The following ST18 variants were observed in gnomAD, a reference collection of about 807,000 sequenced individuals.
The protein encoded by ST18 is suppression of tumorigenicity 18 protein.
Under a neutral mutation model 110.0 loss-of-function variants are expected in ST18, and 50 were observed. The ratio of observed to expected loss-of-function variants is 0.45; its 90% CI spans 0.36 to 0.58. The LOEUF is 0.58. Ranked by LOEUF, ST18 falls within the 20% of genes least tolerant of loss-of-function variation. The pLI, the probability that ST18 is intolerant of heterozygous loss-of-function variation, is 0.00. For synonymous variants in ST18, 461 were observed against 452.4 expected, an observed-to-expected ratio of 1.02 and a Z score of -0.24; for missense variants, 1,306 against 1,280.1, an observed-to-expected ratio of 1.02 and a Z score of -0.31.
chr8:52,253,962 T>G, intron 2 of ST18, among the ~76,000 whole-genome samples: 1 of 135,438 alleles, frequency 7.4e-6, no homozygotes, highest in Non-Finnish European at 1.6e-5. Context: ...CCAAAGAGAG[T>G]GAAAGTGTGA....
intron 2 of ST18, among the ~76,000 whole-genome samples, chr8:52,302,725 A>C (rs1392237118): frequency 6.6e-6 from 1 of 152,238 alleles, no homozygotes; most frequent in Non-Finnish European, 1.5e-5. Flanking sequence ...ATCTGGGGCA[A>C]TTTGAGCATC....
At chr8:52,131,596 A>C (rs991743190) in intron 22 of ST18, among the ~76,000 whole-genome samples, 1 of 152,216 alleles carries the variant, frequency 6.6e-6, no homozygotes, top group African/African-American at 2.4e-5. Flanking sequence ...AAATATGTAA[A>C]GTAAAAGTTT....
chr8:52,312,222 A>G (rs1438721306), intron 2 of ST18, among the ~76,000 whole-genome samples: 1 of 152,148 alleles, frequency 6.6e-6, no homozygotes, highest in Admixed American at 6.5e-5. Flanking sequence ...AGGGTTCTCA[A>G]ATGATTGATC....
intron 9 of ST18, among the ~76,000 whole-genome samples, chr8:52,177,560 G>A (rs1275087318): frequency 6.6e-6 from 1 of 152,116 alleles, no homozygotes; most frequent in Non-Finnish European, 1.5e-5. Flanking sequence ...TTGTTCAGAG[G>A]GCTGAAGGCA....
Position 52,239,039 on chromosome 8 carries a change from G to A in ST18, c.-464-8962C>T, listed in dbSNP as rs185868294. ...AAGGAATGAAGTACTTATGTATGCCGAAACATGGATGAGCCTTGAAAATAT... is the reference window on the plus strand; with the variant it reads ...AAGGAATGAAGTACTTATGTATGCCAAAACATGGATGAGCCTTGAAAATAT... On this transcript the variant is annotated intron_variant, in intron 2 of 25. Transcript: ENST00000689386. Among the ~76,000 whole-genome samples, 12 of 152,142 alleles carry A rather than the reference G, an allele frequency of 7.9e-5. No homozygotes were observed. The East Asian group carries it at 9.7e-4, about 12-fold the overall frequency.
In ST18 at chr8:52,307,824, T is replaced by C. The variant is rs905278780; in HGVS notation, c.-464-77747A>G. 4.6e-5 allele frequency among the ~76,000 whole-genome samples: 7 copies of C among 152,228 alleles called. No individual in the cohort carries two copies. In the East Asian group the frequency reaches 1.2e-3, roughly 25 times the overall value. On this transcript the variant is annotated intron_variant, in intron 2 of 25. Coordinates refer to ENST00000689386, the MANE Select transcript of ST18 (RefSeq NM_001352837.2). ...CTCTTTTCATGACTCACTTAATGGCTGCATAATATATCTTGCACGTATAAC... is the reference window on the plus strand; with the variant it reads ...CTCTTTTCATGACTCACTTAATGGCCGCATAATATATCTTGCACGTATAAC...
rs1297150514 is a variant in ST18 at position 52,126,068 on chromosome 8, C to T, written c.2739G>A (p.Lys913=). The part of the protein sequence containing the change: ...GKVSEELMTI[K]LKATGGIESD... ...TGCTCTTACCCCCAGTTGCTTTGAGCTTGATGGTCATGAGTTCTTCAGAAA... is the reference window on the plus strand; with the variant it reads ...TGCTCTTACCCCCAGTTGCTTTGAGTTTGATGGTCATGAGTTCTTCAGAAA... Residue 913 remains lysine (K), a synonymous_variant, in exon 23 of 26, where the codon AAG becomes AAA. Coordinates refer to ENST00000689386, the MANE Select transcript of ST18 (RefSeq NM_001352837.2). 1.2e-6 allele frequency: 2 copies of T among 1,614,056 alleles called. No individual in the cohort carries two copies. The highest frequency in any genetic ancestry group is 2.2e-5 in the East Asian group (1 of 44,874).
Position 52,305,361 on chromosome 8 carries a change from A to C in ST18, c.-464-75284T>G, listed in dbSNP as rs550708779. Among the ~76,000 whole-genome samples the C allele has an allele frequency of 1.1e-4, 16 of 152,144 alleles. No individual in the cohort carries two copies. In the East Asian group the frequency reaches 3.1e-3, roughly 29 times the overall value. On this transcript the variant is annotated intron_variant, in intron 2 of 25. Coordinates refer to ENST00000689386, the MANE Select transcript of ST18 (RefSeq NM_001352837.2). ...GGTCTCACTTGTGTCTGTGCAGTGCATGAGTACTAAGCTGTCAGCCTCCTT... is the reference window on the plus strand; with the variant it reads ...GGTCTCACTTGTGTCTGTGCAGTGCCTGAGTACTAAGCTGTCAGCCTCCTT...
intron 17 of ST18, among the ~76,000 whole-genome samples, chr8:52,141,064 C>T (rs1446803701): frequency 3.3e-5 from 5 of 152,194 alleles, no homozygotes; most frequent in Non-Finnish European, 7.3e-5. Context: ...TAAGTTCCAG[C>T]ATGTTTGGAA....
chr8:52,270,545 T>A (rs1413775407), intron 2 of ST18, among the ~76,000 whole-genome samples: 1 of 152,234 alleles, frequency 6.6e-6, no homozygotes, highest in East Asian at 1.9e-4. Context: ...TCATCTTGCA[T>A]AATTGAAACT....
intron 16 of ST18, among the ~76,000 whole-genome samples, chr8:52,144,902 G>A (rs980447284): frequency 2.6e-5 from 4 of 151,896 alleles, no homozygotes; most frequent in African/African-American, 7.3e-5. Flanking sequence ...TGATAATTCC[G>A]CCATCTACTT....
At position 52,164,105 on chromosome 8, in the gene ST18, A is replaced by C. The variant is rs2062190134; in HGVS notation, c.1296-15T>G. On this transcript the variant is annotated splice_polypyrimidine_tract_variant and intron_variant, in intron 12 of 25. Coordinates refer to ENST00000689386, the MANE Select transcript of ST18 (RefSeq NM_001352837.2). ...AACCAGAAAGACTGTTTAAAAAAAG[A>C]AACACAGGAGGATTTTAGTTAAAAT... 1 of 1,604,002 alleles carries C rather than the reference A, an allele frequency of 6.2e-7. No individual in the cohort carries two copies.
chr8:52,195,809 C>CT (rs933502196), intron 8 of ST18, among the ~76,000 whole-genome samples: 128 of 151,736 alleles, frequency 8.4e-4, no homozygotes, highest in African/African-American at 2.8e-3. Flanking sequence ...TCTAAATTCT[C>CT]TTTTTTTTGC....
At chr8:52,148,721 G>A (rs1221630086) in intron 16 of ST18, among the ~76,000 whole-genome samples, 1 of 149,990 alleles carries the variant, frequency 6.7e-6, no homozygotes, top group Non-Finnish European at 1.5e-5. Context: ...GGAGGGGAGG[G>A]GAGCGATGGG....
At chr8:52,232,465 T>G (rs1172026956) in intron 2 of ST18, among the ~76,000 whole-genome samples, 2 of 152,198 alleles carry the variant, frequency 1.3e-5, no homozygotes, top group Non-Finnish European at 2.9e-5. Context: ...CAAATAAATA[T>G]GCAAATTTCC....
chr8:52,292,767 A>G (rs2139375844), intron 2 of ST18, among the ~76,000 whole-genome samples: 1 of 152,318 alleles, frequency 6.6e-6, no homozygotes, highest in East Asian at 1.9e-4. Context: ...TCATCTATGA[A>G]ACCTCATTCC....
intron 2 of ST18, among the ~76,000 whole-genome samples, chr8:52,365,915 G>A (rs922679064): frequency 5.3e-5 from 8 of 150,280 alleles, no homozygotes; most frequent in African/African-American, 2.0e-4. Flanking sequence ...TGCCCAGGCT[G>A]GTCTCAAACT....
chr8:52,270,537 A>G (rs987337742), intron 2 of ST18, among the ~76,000 whole-genome samples: 1 of 152,172 alleles, frequency 6.6e-6, no homozygotes, highest in Admixed American at 6.5e-5. Flanking sequence ...AAACCTACTC[A>G]TCTTGCATAA....
At chr8:52,217,092 G>T (rs184951021) in intron 6 of ST18, among the ~76,000 whole-genome samples, 11 of 152,258 alleles carry the variant, frequency 7.2e-5, no homozygotes, top group Admixed American at 3.3e-4. Context: ...TACTGCCTAA[G>T]CCCCGAATAC....
Sources: gnomAD v4.1 joint callset for allele counts (sites outside exome capture counted in the v4.1 genomes callset) on GRCh38, gnomAD v4.1.1 for gene constraint, MANE v1.5 for transcripts, NCBI Gene and HGNC (gene_info 2026-07-23, HGNC 2026-07-21) for gene names.